NDFIP1: variants seen among roughly 807,000 people sequenced by gnomAD.
The protein encoded by NDFIP1 is NEDD4 family-interacting protein 1.
A neutral mutation model predicts 28.8 loss-of-function variants in NDFIP1; 7 were observed. The ratio of observed to expected loss-of-function variants is 0.24; its 90% CI spans 0.14 to 0.46. The LOEUF (loss-of-function observed/expected upper bound fraction) is 0.46, where lower values mean the gene tolerates loss of function less well. Ranked by LOEUF, NDFIP1 falls within the 20% of genes least tolerant of loss-of-function variation. The pLI, the probability that NDFIP1 is intolerant of heterozygous loss-of-function variation, is 0.99. For missense variants in NDFIP1, 194 were observed against 269.1 expected, an observed-to-expected ratio of 0.72 and a Z score of 1.95; for synonymous variants, 92 against 101.0, an observed-to-expected ratio of 0.91 and a Z score of 0.53.
At chr5:142,127,983 G>A (rs766701092) in intron 1 of NDFIP1, among the ~76,000 whole-genome samples, 21 of 152,030 alleles carry the variant, frequency 1.4e-4, no homozygotes, top group Non-Finnish European at 2.9e-4. Flanking sequence ...TTGAAGTTTA[G>A]TAAAATTGGT....
chr5:142,149,466 C>T (rs866670398), intron 7 of NDFIP1, among the ~76,000 whole-genome samples: 10 of 104,486 alleles, frequency 9.6e-5, no homozygotes, highest in Middle Eastern at 0.01. Flanking sequence ...ACAAAGTGAT[C>T]TGATCTATAA....
chr5:142,153,624 T>C lies in NDFIP1; in HGVS notation c.*1896T>C. On this transcript the variant is annotated 3_prime_UTR_variant, in exon 8 of 8. Coordinates refer to ENST00000253814, the MANE Select transcript of NDFIP1 (RefSeq NM_030571.4). Reference sequence around the variant, plus strand: ...TCTTTGAAGATTTTTTTTTTTCCATTTCGAATCAGATTATAGCAACAATGG... The same window carrying C: ...TCTTTGAAGATTTTTTTTTTTCCATCTCGAATCAGATTATAGCAACAATGG... The C allele has an allele frequency of 3.2e-6, 1 of 310,260 alleles. No homozygotes were observed. The highest frequency in any genetic ancestry group is 7.6e-5 in the East Asian group (1 of 13,148). 19.2% of individuals were successfully genotyped at this position (310,260 alleles called of 1,614,324 possible).
chr5:142,149,445 T>TG (rs1490378454), intron 7 of NDFIP1, among the ~76,000 whole-genome samples: 8 of 150,252 alleles, frequency 5.3e-5, no homozygotes, highest in Non-Finnish European at 1.0e-4. Flanking sequence ...TTTTTTTTTT[T>TG]TTTTTTTTTT....
intron 5 of NDFIP1, among the ~76,000 whole-genome samples, chr5:142,139,036 T>C (rs1561603401): frequency 1.3e-5 from 2 of 151,792 alleles, no homozygotes; most frequent in Non-Finnish European, 2.9e-5. Context: ...GCTAACATGG[T>C]GAAACCCCGT....
In NDFIP1 at chr5:142,108,811, G is replaced by C. The variant is rs550043280; in HGVS notation, c.-164G>C. The C allele has an allele frequency of 3.8e-5, 19 of 498,786 alleles. No individual in the cohort carries two copies. The South Asian group carries it at 9.2e-4, about 24-fold the overall frequency. The allele number at this position is 498,786 out of a possible 1,614,324, so 30.9% of individuals were successfully genotyped here. ...GCGTCGGAGCCTCGGCGGCGGCGGC[G>C]GTGCTTACAGCCTGAGAAGAGCGTC... On this transcript the variant is annotated 5_prime_UTR_variant, in exon 1 of 8. Transcript: ENST00000253814.
rs1281851492 is a variant in NDFIP1 at position 142,153,486 on chromosome 5, T to C, written c.*1758T>C. On this transcript the variant is annotated 3_prime_UTR_variant, in exon 8 of 8. Coordinates refer to ENST00000253814, the MANE Select transcript of NDFIP1 (RefSeq NM_030571.4). ...ACAGGAAAATTAGGAGCCTCCTGGA[T>C]TGACATTTCAATGATCCCTCTAACC... is the stretch of plus-strand genomic sequence containing the variant. 1.1e-5 allele frequency: 5 copies of C among 452,570 alleles called. No homozygotes were observed. The East Asian group carries it at 3.5e-4, about 31-fold the overall frequency. 28.0% of individuals were successfully genotyped at this position (452,570 alleles called of 1,614,324 possible). A position where few individuals can be genotyped will look rare whatever the true frequency, so the allele number is the denominator to read the frequency against.
At chr5:142,116,352 T>TCTTTCTCTCTCTCTCTCTC (rs1561597776) in intron 1 of NDFIP1, among the ~76,000 whole-genome samples, 54 of 116,384 alleles carry the variant, frequency 4.6e-4, no homozygotes, top group African/African-American at 2.2e-3. Flanking sequence ...CCTTCCTTCT[T>TCTTTCTCTCTCTCTCTCTC]TCTCTCTCTC....
At chr5:142,144,851 T>C (rs1394053486) in intron 7 of NDFIP1, among the ~76,000 whole-genome samples, 175 bp downstream of exon 7, 1 of 152,232 alleles carries the variant, frequency 6.6e-6, no homozygotes, top group Non-Finnish European at 1.5e-5. Context: ...CAAAAAGCTA[T>C]TGATAAAGTC....
chr5:142,112,946 T>C (rs1757030287), intron 1 of NDFIP1, among the ~76,000 whole-genome samples: 1 of 152,156 alleles, frequency 6.6e-6, no homozygotes, highest in African/African-American at 2.4e-5. Flanking sequence ...ACCTGTTGCG[T>C]GTTTCTCTCT....
intron 1 of NDFIP1, among the ~76,000 whole-genome samples, chr5:142,124,912 A>AC (rs1175589946): frequency 6.6e-6 from 1 of 150,940 alleles, no homozygotes; most frequent in Non-Finnish European, 1.5e-5. Context: ...TGCAAGCTCC[A>AC]CCTCCCGGGT....
chr5:142,146,056 C>T (rs1466704314), intron 7 of NDFIP1, among the ~76,000 whole-genome samples: 1 of 152,070 alleles, frequency 6.6e-6, no homozygotes, highest in Non-Finnish European at 1.5e-5. Flanking sequence ...ATATAACAAA[C>T]ATTTTTTCAA....
At chr5:142,142,653 C>T (rs1475373028) in intron 6 of NDFIP1, among the ~76,000 whole-genome samples, 1 of 151,888 alleles carries the variant, frequency 6.6e-6, no homozygotes, top group African/African-American at 2.4e-5. Flanking sequence ...TTTGGCCCGG[C>T]GTGGTGGCTC....
chr5:142,140,497 C>A, intron 5 of NDFIP1, 66 bp from the exon 6 acceptor site: 2 of 1,281,932 alleles, frequency 1.6e-6, no homozygotes, highest in Non-Finnish European at 2.2e-6. Context: ...ATTTTGTGTA[C>A]CCTTAAGTTA....
Position 142,132,193 on chromosome 5 carries a change from G to T in NDFIP1, c.152-19G>T. 6.2e-7 allele frequency: 1 copy of T among 1,603,590 alleles called. No homozygotes were observed. The highest frequency in any genetic ancestry group is 1.1e-5 in the South Asian group (1 of 88,504). ...ATTCAGCTAATCATCAAAAAATTGT[G>T]ACTGTTAAAATTCTGCAGCATATTT... On this transcript the variant is annotated intron_variant, in intron 2 of 7. Transcript: ENST00000253814.
At chr5:142,144,075 A>G (rs1278893270) in intron 6 of NDFIP1, 1 of 152,186 alleles carries the variant, frequency 6.6e-6, no homozygotes, top group Non-Finnish European at 1.5e-5. Context: ...TGTAATAGAT[A>G]AGGGGATCCT....
intron 1 of NDFIP1, among the ~76,000 whole-genome samples, chr5:142,124,322 T>C (rs1757149100): frequency 6.6e-6 from 1 of 152,234 alleles, no homozygotes; most frequent in African/African-American, 2.4e-5. Context: ...TGATTTCTGC[T>C]AGTTCCTTGC....
At chr5:142,114,198 A>G (rs1024482545) in intron 1 of NDFIP1, among the ~76,000 whole-genome samples, 1 of 152,106 alleles carries the variant, frequency 6.6e-6, no homozygotes, top group African/African-American at 2.4e-5. Context: ...CAATTTCTCC[A>G]TATCCTCAAC....
chr5:142,134,410 A>T (rs1036770027), intron 3 of NDFIP1, among the ~76,000 whole-genome samples: 5 of 152,234 alleles, frequency 3.3e-5, no homozygotes, highest in Non-Finnish European at 7.3e-5. Flanking sequence ...ACGAAGTAAG[A>T]ATACTAGGTA....
chr5:142,146,884 T>C (rs1410417028), intron 7 of NDFIP1, among the ~76,000 whole-genome samples: 1 of 152,206 alleles, frequency 6.6e-6, no homozygotes, highest in Non-Finnish European at 1.5e-5. Flanking sequence ...CTAAAATTTC[T>C]GAAATGTTTT....
Sources: gnomAD v4.1 joint callset for allele counts (sites outside exome capture counted in the v4.1 genomes callset) on GRCh38, gnomAD v4.1.1 for gene constraint, MANE v1.5 for transcripts, NCBI Gene and HGNC (gene_info 2026-07-23, HGNC 2026-07-21) for gene names.